NAALADL2: variants seen among roughly 807,000 people sequenced by gnomAD.
NAALADL2 encodes the protein inactive N-acetylated-alpha-linked acidic dipeptidase-like protein 2.
In NAALADL2, 76 loss-of-function variants were observed where a neutral mutation model predicts 87.2. The ratio of observed to expected loss-of-function variants is 0.87; its 90% CI spans 0.72 to 1.05. The LOEUF (loss-of-function observed/expected upper bound fraction) is 1.05, where lower values mean the gene tolerates loss of function less well. Ranked by LOEUF, NAALADL2 falls within the 50% of genes least tolerant of loss-of-function variation. The pLI is 0.00. For missense variants in NAALADL2, 1,089 were observed against 945.8 expected (o/e 1.15, Z -1.99); for synonymous variants, 354 against 331.0 (o/e 1.07, Z -0.75).
intron 1 of NAALADL2, among the ~76,000 whole-genome samples, chr3:174,530,128 C>G (rs948591653): frequency 1.3e-5 from 2 of 152,182 alleles, no homozygotes; most frequent in African/African-American, 2.4e-5. Flanking sequence ...TAACAACACA[C>G]AAGTCACCTC....
intron 5 of NAALADL2, among the ~76,000 whole-genome samples, chr3:175,432,572 C>T (rs1360811911): frequency 6.6e-6 from 1 of 152,014 alleles, no homozygotes; most frequent in Non-Finnish European, 1.5e-5. Flanking sequence ...TTTTCACAGC[C>T]TTATTTTCCT....
intron 2 of NAALADL2, among the ~76,000 whole-genome samples, chr3:175,126,851 G>A (rs1727043423): frequency 7.8e-6 from 1 of 128,650 alleles, no homozygotes; most frequent in African/African-American, 3.0e-5. Flanking sequence ...ACTTGTTCAA[G>A]CTACCTTTTT....
intron 2 of NAALADL2, chr3:174,692,003 C>T (rs189979726): frequency 1.3e-5 from 2 of 152,304 alleles, no homozygotes; most frequent in African/African-American, 4.8e-5. Flanking sequence ...TTGAAACACT[C>T]CAAGTCATCC....
intron 1 of NAALADL2, among the ~76,000 whole-genome samples, chr3:175,004,277 GT>G: frequency 6.7e-6 from 1 of 149,690 alleles, no homozygotes; most frequent in East Asian, 2.0e-4. Context: ...CATGCTTGTG[GT>G]CTCAGCCACA....
At chr3:174,872,727 C>CACACAT (rs1431688501) in intron 1 of NAALADL2, among the ~76,000 whole-genome samples, 2 of 141,118 alleles carry the variant, frequency 1.4e-5, no homozygotes, top group South Asian at 2.1e-4. Context: ...CATCTACACA[C>CACACAT]ACACATACAC....
intron 1 of NAALADL2, among the ~76,000 whole-genome samples, chr3:174,531,439 G>A (rs114633182): frequency 4.6e-5 from 7 of 152,124 alleles, no homozygotes; most frequent in Admixed American, 2.6e-4. Flanking sequence ...TAAAATCCAC[G>A]TAAAGGCCAT....
Position 174,882,638 on chromosome 3 carries a change from C to CATATACGCATATGTGCATATGCAT in NAALADL2, c.43+23192_43+23193insACGCATATGTGCATATGCATATAT, listed in dbSNP as rs1348974465. On this transcript the variant is annotated intron_variant, in intron 1 of 13. Coordinates refer to ENST00000454872, the MANE Select transcript of NAALADL2 (RefSeq NM_207015.3). Reference sequence around the variant, plus strand: ...GCATATGCATATATGTGCATATACACATATGTGCATATACACATATGTGCA... The same window carrying CATATACGCATATGTGCATATGCAT: ...GCATATGCATATATGTGCATATACACATATACGCATATGTGCATATGCATATATGTGCATATACACATATGTGCA... 1.4e-3 allele frequency among the ~76,000 whole-genome samples: 113 copies of CATATACGCATATGTGCATATGCAT among 81,282 alleles called. 2 individuals are homozygous for CATATACGCATATGTGCATATGCAT. Among genetic ancestry groups the CATATACGCATATGTGCATATGCAT allele is most frequent in the African/African-American group, 5.9e-3 (101 of 17,182 alleles). 53.3% of individuals were successfully genotyped at this position (81,282 alleles called of 152,430 possible).
chr3:175,534,893 C>T (rs1331861744), intron 9 of NAALADL2, among the ~76,000 whole-genome samples: 1 of 151,224 alleles, frequency 6.6e-6, no homozygotes, highest in Middle Eastern at 3.2e-3. Flanking sequence ...TTTCTTTGTT[C>T]ACACTGTTTA....
rs74626832 is a variant in NAALADL2 at position 175,788,580 on chromosome 3, C to T, written c.2190-14425C>T. 4.3e-3 allele frequency among the ~76,000 whole-genome samples: 656 copies of T among 152,078 alleles called. 9 individuals carry two copies. The highest frequency in any genetic ancestry group is 0.015 in the African/African-American group (632 of 41,480). Reference sequence around the variant, plus strand: ...AGCCTAGGTGTGTAGTAGGCTACACCGTCTATGTTTGGGTAAGTACATGCC... The same window carrying T: ...AGCCTAGGTGTGTAGTAGGCTACACTGTCTATGTTTGGGTAAGTACATGCC... On this transcript the variant is annotated intron_variant, in intron 13 of 13. Coordinates refer to ENST00000454872, the MANE Select transcript of NAALADL2 (RefSeq NM_207015.3).
intron 1 of NAALADL2, among the ~76,000 whole-genome samples, chr3:174,483,926 G>GA (rs1435474582): frequency 6.6e-6 from 1 of 151,864 alleles, no homozygotes; most frequent in Non-Finnish European, 1.5e-5. Context: ...CCTGAGACTA[G>GA]AAAAAAACAA....
chr3:174,840,888 T>C (rs1204444722), intron 3 of NAALADL2, among the ~76,000 whole-genome samples: 1 of 152,094 alleles, frequency 6.6e-6, no homozygotes, highest in Non-Finnish European at 1.5e-5. Context: ...TTAACAATAC[T>C]AGCTGGTAGG....
intron 5 of NAALADL2, among the ~76,000 whole-genome samples, chr3:175,428,290 T>C (rs894021507): frequency 6.6e-6 from 1 of 152,174 alleles, no homozygotes; most frequent in East Asian, 1.9e-4. Flanking sequence ...TAAGTTTTTT[T>C]GAAGAAAACG....
chr3:175,300,389 G>A (rs1756902191), intron 4 of NAALADL2, among the ~76,000 whole-genome samples: 1 of 152,122 alleles, frequency 6.6e-6, no homozygotes. Flanking sequence ...TGTACCTCTG[G>A]TAGAATTCAG....
intron 7 of NAALADL2, among the ~76,000 whole-genome samples, chr3:175,463,724 G>GAGAGAGAGAGAGAC (rs145842620): frequency 0.057 from 8,351 of 147,782 alleles, 288 homozygotes; most frequent in Middle Eastern, 0.11. Flanking sequence ...GAGAGAGAGA[G>GAGAGAGAGAGAGAC]AGAGAGAGAG....
At chr3:175,596,103 G>C (rs574855404) in intron 10 of NAALADL2, among the ~76,000 whole-genome samples, 1 of 151,904 alleles carries the variant, frequency 6.6e-6, no homozygotes, top group African/African-American at 2.4e-5. Flanking sequence ...AACTTCAGCA[G>C]TTTGGGTTAG....
intron 1 of NAALADL2, among the ~76,000 whole-genome samples, chr3:174,904,471 A>T (rs561693935): frequency 6.6e-6 from 1 of 151,906 alleles, no homozygotes; most frequent in Non-Finnish European, 1.5e-5. Context: ...AAATCAACAC[A>T]TTTCCTGTGT....
intron 5 of NAALADL2, chr3:175,369,430 G>T (rs1766153837): frequency 6.6e-6 from 1 of 150,604 alleles, no homozygotes; most frequent in Non-Finnish European, 1.5e-5. Flanking sequence ...CTGTGTGCGT[G>T]TGTGTACATA....
intron 2 of NAALADL2, among the ~76,000 whole-genome samples, chr3:175,202,109 G>A (rs1740134893): frequency 6.6e-6 from 1 of 152,006 alleles, no homozygotes. Context: ...TGCCCAATGT[G>A]TCAAAGTTGA....
intron 2 of NAALADL2, among the ~76,000 whole-genome samples, chr3:175,179,955 G>A (rs1010825585): frequency 2.6e-5 from 4 of 151,902 alleles, no homozygotes; most frequent in African/African-American, 9.7e-5. Flanking sequence ...TTCACTGACA[G>A]CACTAACTCA....
Sources: allele counts gnomAD v4.1 joint callset (sites outside exome capture counted in the v4.1 genomes callset), GRCh38; gene constraint gnomAD v4.1.1; transcripts MANE v1.5; gene names NCBI Gene and HGNC (gene_info 2026-07-23, HGNC 2026-07-21).